SMAGP: variants seen among roughly 807,000 people sequenced by gnomAD.
The protein encoded by SMAGP is small cell adhesion glycoprotein, also known as small cell transmembrane and glycosylated protein.
In SMAGP, 7 loss-of-function variants were observed where a neutral mutation model predicts 10.1. The observed-to-expected ratio is 0.70, with a 90% CI of 0.40 to 1.31. The LOEUF is 1.31. Ranked by LOEUF, SMAGP falls within the 50% of genes most tolerant of loss-of-function variation. SMAGP has a pLI of 0.01. For missense variants in SMAGP, 113 were observed against 116.5 expected (o/e 0.97, Z 0.14); for synonymous variants, 49 against 47.2 (o/e 1.04, Z -0.16).
chr12:51,266,275 C>A lies in SMAGP; in HGVS notation c.34+2970G>T, dbSNP rs76118493. On this transcript the variant is annotated intron_variant, in intron 2 of 3. Transcript: ENST00000603798. ...GCGTGATGAAATCTCACACCCTGCT[C>A]CATCCTGCCTGGAAAGTGAATCATC... Among the ~76,000 whole-genome samples the A allele has an allele frequency of 3.3e-5, 5 of 152,260 alleles. No homozygotes were observed. The East Asian group carries it at 9.6e-4, about 29-fold the overall frequency.
At chr12:51,247,913 A>T (rs1592231104) in intron 2 of SMAGP, among the ~76,000 whole-genome samples, 1 of 152,302 alleles carries the variant, frequency 6.6e-6, no homozygotes, top group East Asian at 1.9e-4. Flanking sequence ...GAGGGGCCTG[A>T]TCTAGTCTTC....
In SMAGP at chr12:51,245,882, T is replaced by G. The variant is rs1297257427; in HGVS notation, c.*59A>C. On this transcript the variant is annotated 3_prime_UTR_variant, in exon 4 of 4. Coordinates refer to ENST00000603798, the MANE Select transcript of SMAGP (RefSeq NM_001031628.2). ...GGCTTCAGAGAAAACTTTCCCATAA[T>G]AAGCAGTCAACGTGTTAGCGATGGA... is the stretch of plus-strand genomic sequence containing the variant. 1.3e-6 allele frequency: 2 copies of G among 1,544,822 alleles called. No individual in the cohort carries two copies. Among genetic ancestry groups the G allele is most frequent in the East Asian group, 4.5e-5 (2 of 44,090 alleles).
At chr12:51,262,288 T>C (rs1406343837) in intron 2 of SMAGP, among the ~76,000 whole-genome samples, 1 of 151,852 alleles carries the variant, frequency 6.6e-6, no homozygotes, top group Non-Finnish European at 1.5e-5. Flanking sequence ...AAGACCAACC[T>C]GGGCAACATG....
At chr12:51,257,465 T>C (rs1944895632) in intron 2 of SMAGP, among the ~76,000 whole-genome samples, 1 of 151,962 alleles carries the variant, frequency 6.6e-6, no homozygotes, top group South Asian at 2.1e-4. Flanking sequence ...ATCCCAGCAC[T>C]TTGAGAGGCC....
intron 2 of SMAGP, among the ~76,000 whole-genome samples, chr12:51,253,766 C>T (rs1046101136): frequency 7.9e-5 from 12 of 152,056 alleles, no homozygotes; most frequent in African/African-American, 1.7e-4. Context: ...ATTAGCCGGA[C>T]GTGGTGGCAG....
intron 2 of SMAGP, among the ~76,000 whole-genome samples, chr12:51,265,475 A>T (rs1026065520): frequency 2.0e-5 from 3 of 152,252 alleles, no homozygotes; most frequent in Admixed American, 6.5e-5. Flanking sequence ...TCAACTGTCC[A>T]TCATAGATGA....
intron 2 of SMAGP, among the ~76,000 whole-genome samples, chr12:51,257,271 G>A (rs1159433056): frequency 2.0e-5 from 3 of 152,180 alleles, no homozygotes; most frequent in Admixed American, 1.3e-4. Flanking sequence ...GAGGGGCTGG[G>A]GGGCTGGCTG....
chr12:51,256,055 G>A (rs780021141), intron 2 of SMAGP, among the ~76,000 whole-genome samples: 2 of 152,168 alleles, frequency 1.3e-5, no homozygotes, highest in African/African-American at 2.4e-5. Context: ...ACAGGTGTGA[G>A]CTACCGTGCC....
intron 2 of SMAGP, among the ~76,000 whole-genome samples, chr12:51,255,891 A>G (rs1017567357): frequency 1.3e-5 from 2 of 151,406 alleles, no homozygotes; most frequent in African/African-American, 2.4e-5. Flanking sequence ...CCTGCCTCAG[A>G]CTCCCAAGTA....
At chr12:51,268,121 C>T (rs1016526004) in intron 2 of SMAGP, among the ~76,000 whole-genome samples, 1 of 152,120 alleles carries the variant, frequency 6.6e-6, no homozygotes, top group Non-Finnish European at 1.5e-5. Context: ...TAGTGCCCGG[C>T]CTCCGCACAC....
At position 51,254,895 on chromosome 12, in the gene SMAGP, G is replaced by A. The variant is rs193250080; in HGVS notation, c.35-8064C>T. 1.8e-4 allele frequency among the ~76,000 whole-genome samples: 27 copies of A among 152,306 alleles called. No individual in the cohort carries two copies. The East Asian group carries it at 4.1e-3, about 23-fold the overall frequency. On this transcript the variant is annotated intron_variant, in intron 2 of 3. Coordinates refer to ENST00000603798, the MANE Select transcript of SMAGP (RefSeq NM_001031628.2). ...ATGGAGGCCCCTGAGTGGGAGTAAC[G>A]GGGAGAGGAGGAGCAGAGAAAGTCA...
chr12:51,258,259 GAGTAAAT>G (rs1173641915), intron 2 of SMAGP, among the ~76,000 whole-genome samples: 5 of 152,286 alleles, frequency 3.3e-5, no homozygotes, highest in African/African-American at 1.2e-4. Flanking sequence ...GGTGCTGCAA[GAGTAAAT>G]AGCATCAGAA....
At chr12:51,264,857 G>A (rs545248313) in intron 2 of SMAGP, among the ~76,000 whole-genome samples, 23 of 150,120 alleles carry the variant, frequency 1.5e-4, no homozygotes, top group South Asian at 2.1e-4. Flanking sequence ...GCTTGAACCC[G>A]GGAGGTGGAG....
intron 2 of SMAGP, among the ~76,000 whole-genome samples, chr12:51,256,553 C>G (rs1289891995): frequency 1.3e-5 from 2 of 152,218 alleles, no homozygotes; most frequent in South Asian, 2.1e-4. Context: ...GAAACCCCAT[C>G]TCTACTAAAA....
chr12:51,247,009 C>T (rs1944782567), intron 2 of SMAGP, among the ~76,000 whole-genome samples, 178 bp from the exon 3 acceptor site: 1 of 152,104 alleles, frequency 6.6e-6, no homozygotes, highest in African/African-American at 2.4e-5. Context: ...TAAACCACCA[C>T]CCAAAGACAA....
At chr12:51,255,402 G>A (rs979653617) in intron 2 of SMAGP, among the ~76,000 whole-genome samples, 9 of 152,134 alleles carry the variant, frequency 5.9e-5, no homozygotes, top group African/African-American at 1.9e-4. Flanking sequence ...TACAGATCTC[G>A]TTAAAATGCA....
intron 2 of SMAGP, among the ~76,000 whole-genome samples, 157 bp downstream of exon 2, chr12:51,269,086 GCA>G (rs1284795799): frequency 6.6e-6 from 1 of 152,188 alleles, no homozygotes; most frequent in Non-Finnish European, 1.5e-5. Flanking sequence ...GTACTAAGGG[GCA>G]CACTCTAGTT....
At chr12:51,258,752 C>T (rs1486256374) in intron 2 of SMAGP, among the ~76,000 whole-genome samples, 2 of 151,996 alleles carry the variant, frequency 1.3e-5, no homozygotes, top group African/African-American at 2.4e-5. Flanking sequence ...GTGGTTTAAC[C>T]TTAGTCCTTT....
chr12:51,247,728 C>G (rs1944790759), intron 2 of SMAGP, among the ~76,000 whole-genome samples: 1 of 152,172 alleles, frequency 6.6e-6, no homozygotes, highest in South Asian at 2.1e-4. Context: ...CCCGACCTGA[C>G]TGGCATCCCA....
Sources: allele counts gnomAD v4.1 joint callset (sites outside exome capture counted in the v4.1 genomes callset), GRCh38; gene constraint gnomAD v4.1.1; transcripts MANE v1.5; gene names NCBI Gene and HGNC (gene_info 2026-07-23, HGNC 2026-07-21).